Variants in CNIH3 observed in about 807,000 individuals in gnomAD.
The protein encoded by CNIH3 is protein cornichon homolog 3.
A neutral mutation model predicts 24.1 loss-of-function variants in CNIH3; 14 were observed. That is an observed-to-expected ratio of 0.58 (90% CI 0.38 to 0.91). CNIH3 has a LOEUF of 0.91. Ranked by LOEUF, CNIH3 falls within the 40% of genes least tolerant of loss-of-function variation. The pLI, the probability that CNIH3 is intolerant of heterozygous loss-of-function variation, is 0.00. For missense variants in CNIH3, 178 were observed against 196.8 expected (o/e 0.90, Z 0.57); for synonymous variants, 68 against 73.8 (o/e 0.92, Z 0.40).
At chr1:224,563,201 G>A (rs916617455) in intron 3 of CNIH3, among the ~76,000 whole-genome samples, 6 of 150,950 alleles carry the variant, frequency 4.0e-5, no homozygotes, top group Non-Finnish European at 8.8e-5. Flanking sequence ...ACAGGCTGCA[G>A]AACCATAAGC....
chr1:224,480,141 T>C (rs992811333), intron 1 of CNIH3, among the ~76,000 whole-genome samples: 19 of 152,180 alleles, frequency 1.2e-4, no homozygotes, highest in African/African-American at 4.1e-4. Flanking sequence ...ACCCGTAGGC[T>C]CAACACCATG....
intron 1 of CNIH3, among the ~76,000 whole-genome samples, chr1:224,457,442 A>G (rs963653204): frequency 6.6e-6 from 1 of 151,698 alleles, no homozygotes; most frequent in Non-Finnish European, 1.5e-5. Context: ...GTAAAATTTA[A>G]CAGTGCTTTC....
chr1:224,518,150 G>A (rs918077044), intron 1 of CNIH3, among the ~76,000 whole-genome samples: 10 of 152,060 alleles, frequency 6.6e-5, no homozygotes, highest in African/African-American at 1.2e-4. Flanking sequence ...CAGCAGAGCC[G>A]GCCCTCACCC....
intron 5 of CNIH3, among the ~76,000 whole-genome samples, chr1:224,583,634 T>C (rs964614877): frequency 6.6e-6 from 1 of 152,206 alleles, no homozygotes; most frequent in African/African-American, 2.4e-5. Context: ...CACTTCAGAC[T>C]TACCTGCAGA....
chr1:224,739,649 T>C lies in CNIH3; in HGVS notation c.*293T>C. ...GGAGTAGGTGACGAAACACTAGACC[T>C]CTCCTGAGAGAGAATTGCTGCTTCC... is the stretch of plus-strand genomic sequence containing the variant. On this transcript the variant is annotated 3_prime_UTR_variant, in exon 6 of 6. Transcript: ENST00000272133. The C allele has an allele frequency of 2.0e-6, 1 of 496,930 alleles. No individual in the cohort carries two copies. The highest frequency in any genetic ancestry group is 3.5e-6 in the Non-Finnish European group (1 of 287,190). 30.8% of individuals were successfully genotyped at this position (496,930 alleles called of 1,614,324 possible).
At chr1:224,546,732 A>C (rs1285475432) in intron 2 of CNIH3, 3 of 202,170 alleles carry the variant, frequency 1.5e-5, no homozygotes, top group Admixed American at 1.3e-4. Context: ...AGTTGTCAAA[A>C]TGTATCTTCC....
At chr1:224,660,805 A>G (rs1209730473) in intron 1 of CNIH3, among the ~76,000 whole-genome samples, 1 of 152,260 alleles carries the variant, frequency 6.6e-6, no homozygotes, top group Non-Finnish European at 1.5e-5. Context: ...TATTAACGTC[A>G]TAACAGGCTG....
At chr1:224,591,985 TTGTGGAACATAAAGAGTGGC>T (rs1176633600), downstream of CNIH3, among the ~76,000 whole-genome samples, 1 of 152,194 alleles carries the variant, frequency 6.6e-6, no homozygotes, top group Non-Finnish European at 1.5e-5. Context: ...TAAACCACTT[TTGTGGAACATAAAGAGTGGC>T]TGTTGTTGTG....
upstream of CNIH3, among the ~76,000 whole-genome samples, chr1:224,512,850 A>T (rs1272483106): frequency 1.3e-5 from 2 of 152,168 alleles, no homozygotes; most frequent in Non-Finnish European, 2.9e-5. Flanking sequence ...GAACTAAGCT[A>T]AAAATGATGT....
chr1:224,727,736 C>T (rs1689111137), intron 3 of CNIH3, among the ~76,000 whole-genome samples: 1 of 152,110 alleles, frequency 6.6e-6, no homozygotes, highest in Non-Finnish European at 1.5e-5. Flanking sequence ...GTGAAGTAGG[C>T]AAGGATCAGT....
At chr1:224,650,968 G>A (rs556644233) in intron 1 of CNIH3, among the ~76,000 whole-genome samples, 1 of 152,244 alleles carries the variant, frequency 6.6e-6, no homozygotes, top group South Asian at 2.1e-4. Context: ...TTTGGAGCAA[G>A]TCCTCAGTTT....
At chr1:224,643,644 C>A (rs979150824) in intron 1 of CNIH3, among the ~76,000 whole-genome samples, 5 of 152,178 alleles carry the variant, frequency 3.3e-5, no homozygotes, top group African/African-American at 1.2e-4. Context: ...CAGAAAATTA[C>A]ACTCAGAGAC....
At chr1:224,582,586 A>T (rs919578373) in intron 4 of CNIH3, among the ~76,000 whole-genome samples, 5 of 152,322 alleles carry the variant, frequency 3.3e-5, no homozygotes, top group Admixed American at 3.3e-4. Context: ...AAGACACTTT[A>T]TTCACCCAAA....
At chr1:224,443,098 G>A (rs1674990699) in intron 1 of CNIH3, among the ~76,000 whole-genome samples, 2 of 152,138 alleles carry the variant, frequency 1.3e-5, no homozygotes, top group South Asian at 2.1e-4. Flanking sequence ...AATCCTTGTT[G>A]AAACAGACAT....
Position 224,574,990 on chromosome 1 carries a change from A to T in CNIH3, n.517-8174A>T, listed in dbSNP as rs1680974559. On this transcript the variant is annotated intron_variant and non_coding_transcript_variant, in intron 4 of 5. Transcript: ENST00000471578. Reference sequence around the variant, plus strand: ...TTAAAGTATAAGTAGGTGGTTAATCAGATTGAGTGCCACCCGTACCTCACT... The same window carrying T: ...TTAAAGTATAAGTAGGTGGTTAATCTGATTGAGTGCCACCCGTACCTCACT... 3 of 879,260 alleles carry T rather than the reference A, an allele frequency of 3.4e-6. No individual in the cohort carries two copies. In the Admixed American group the frequency reaches 5.1e-5, roughly 15 times the overall value. 54.5% of individuals were successfully genotyped at this position (879,260 alleles called of 1,614,324 possible).
At chr1:224,495,213 C>T (rs1300250480) in intron 1 of CNIH3, among the ~76,000 whole-genome samples, 1 of 152,198 alleles carries the variant, frequency 6.6e-6, no homozygotes, top group Non-Finnish European at 1.5e-5. Context: ...CTTGAGACTA[C>T]CTCACACAAT....
chr1:224,542,781 A>C (rs1679562239), intron 2 of CNIH3, among the ~76,000 whole-genome samples: 2 of 152,104 alleles, frequency 1.3e-5, no homozygotes, highest in Admixed American at 1.3e-4. Context: ...CTTCTCGTCA[A>C]CCCCTCCGTA....
intron 4 of CNIH3, 172 bp downstream of exon 4, chr1:224,730,746 T>A: frequency 1.8e-6 from 1 of 547,360 alleles, no homozygotes; most frequent in Non-Finnish European, 3.3e-6. Flanking sequence ...ACAAGTCCAA[T>A]AAGGAAAGGC....
chr1:224,618,612 G>T (rs187732513), intron 1 of CNIH3, among the ~76,000 whole-genome samples: 1 of 152,202 alleles, frequency 6.6e-6, no homozygotes, highest in Non-Finnish European at 1.5e-5. Context: ...GTAACCTTAG[G>T]AAAGACCCTT....
Sources: gnomAD v4.1 joint callset for allele counts (sites outside exome capture counted in the v4.1 genomes callset) on GRCh38, gnomAD v4.1.1 for gene constraint, MANE v1.5 for transcripts, NCBI Gene and HGNC (gene_info 2026-07-23, HGNC 2026-07-21) for gene names.